Variants in ANO4 observed in about 807,000 individuals in gnomAD.
ANO4 encodes the protein anoctamin-4.
In ANO4, 69 loss-of-function variants were observed where a neutral mutation model predicts 141.9. The ratio of observed to expected loss-of-function variants is 0.49; its 90% CI spans 0.40 to 0.59. ANO4 has a LOEUF of 0.59. Ranked by LOEUF, ANO4 falls within the 20% of genes least tolerant of loss-of-function variation. The pLI, the probability that ANO4 is intolerant of heterozygous loss-of-function variation, is 0.00. For synonymous variants in ANO4, 350 were observed against 394.3 expected, an observed-to-expected ratio of 0.89 and a Z score of 1.33; for missense variants, 894 against 1,162.2, an observed-to-expected ratio of 0.77 and a Z score of 3.36.
intron 3 of ANO4, among the ~76,000 whole-genome samples, chr12:100,787,208 T>C (rs1514796): frequency 0.77 from 117,740 of 152,126 alleles, 46,125 homozygotes; most frequent in East Asian, 0.94. Flanking sequence ...GGTTACTCCA[T>C]TGGGGACATG....
intron 8 of ANO4, among the ~76,000 whole-genome samples, chr12:100,998,673 A>G (rs1216684507): frequency 1.3e-5 from 2 of 152,182 alleles, no homozygotes; most frequent in Non-Finnish European, 2.9e-5. Flanking sequence ...CTAGGCCTAC[A>G]GGCTGCCCAT....
At chr12:100,793,825 T>C (rs2034147434), upstream of ANO4, among the ~76,000 whole-genome samples, 1 of 152,136 alleles carries the variant, frequency 6.6e-6, no homozygotes, top group Non-Finnish European at 1.5e-5. Context: ...AGTTTATAAG[T>C]TCAATATTAG....
rs1388522966 is a variant in ANO4 at position 100,925,844 on chromosome 12, T to C, written c.160+3514T>C. Reference sequence around the variant, plus strand: ...ACATACATATATATACATACATATATATACACACACACATATATATATATA... The same window carrying C: ...ACATACATATATATACATACATATACATACACACACACATATATATATATA... On this transcript the variant is annotated intron_variant, in intron 3 of 27. Coordinates refer to ENST00000392977, the MANE Select transcript of ANO4 (RefSeq NM_001286615.2). Among the ~76,000 whole-genome samples the C allele has an allele frequency of 7.4e-5, 10 of 135,974 alleles. No individual in the cohort carries two copies. The East Asian group carries it at 1.3e-3, about 18-fold the overall frequency. 89.2% of individuals were successfully genotyped at this position (135,974 alleles called of 152,430 possible).
chr12:100,770,072 C>G (rs534262607), intron 3 of ANO4, among the ~76,000 whole-genome samples: 2 of 152,132 alleles, frequency 1.3e-5, no homozygotes, highest in Non-Finnish European at 2.9e-5. Flanking sequence ...AAATGTTTGT[C>G]TCTGGTTGAA....
At chr12:100,946,937 C>A (rs553129301) in intron 5 of ANO4, among the ~76,000 whole-genome samples, 1 of 151,998 alleles carries the variant, frequency 6.6e-6, no homozygotes, top group African/African-American at 2.4e-5. Context: ...GGGGTGTGTA[C>A]GATCAAAGCT....
intron 5 of ANO4, among the ~76,000 whole-genome samples, chr12:100,959,331 C>T (rs1224434256): frequency 6.6e-6 from 1 of 152,122 alleles, no homozygotes; most frequent in Middle Eastern, 3.2e-3. Context: ...CTCTATCTCT[C>T]CTGCATCATC....
intron 22 of ANO4, among the ~76,000 whole-genome samples, chr12:101,105,968 T>C (rs2050424188): frequency 1.3e-5 from 2 of 151,930 alleles, no homozygotes; most frequent in South Asian, 2.1e-4. Flanking sequence ...AAAAATTAGC[T>C]TGGTGGTGCG....
chr12:101,038,324 A>C (rs1159896817), intron 10 of ANO4: 5 of 152,110 alleles, frequency 3.3e-5, no homozygotes, highest in African/African-American at 1.2e-4. Flanking sequence ...GTTTTGTGAG[A>C]ACTGCATCCT....
At chr12:101,036,236 T>G (rs1305854118) in intron 9 of ANO4, among the ~76,000 whole-genome samples, 2 of 152,074 alleles carry the variant, frequency 1.3e-5, no homozygotes, top group African/African-American at 4.8e-5. Flanking sequence ...GAAACACTTG[T>G]GCGCTGTTAG....
intron 14 of ANO4, among the ~76,000 whole-genome samples, chr12:101,077,411 A>G (rs1490318578): frequency 1.3e-5 from 2 of 152,152 alleles, no homozygotes; most frequent in African/African-American, 4.8e-5. Context: ...GAATCTTCCT[A>G]GTAAATCAAA....
chr12:100,925,826 T>TAC lies in ANO4; in HGVS notation c.160+3497_160+3498insCA, dbSNP rs1375429465. On this transcript the variant is annotated intron_variant, in intron 3 of 27. Transcript: ENST00000392977. ...GTATACATACATATACATACATACA[T>TAC]ATATATACATACATATATATACACA... Among the ~76,000 whole-genome samples, 22 of 145,916 alleles carry TAC rather than the reference T, an allele frequency of 1.5e-4. No homozygotes were observed. In the East Asian group the frequency reaches 2.2e-3, roughly 15 times the overall value.
chr12:100,865,060 T>C (rs2038683468), intron 1 of ANO4, among the ~76,000 whole-genome samples: 1 of 152,204 alleles, frequency 6.6e-6, no homozygotes, highest in African/African-American at 2.4e-5. Flanking sequence ...GTTCCAAGTC[T>C]TTGCTATCGT....
At chr12:100,911,527 G>A (rs1317373787) in intron 2 of ANO4, among the ~76,000 whole-genome samples, 2 of 152,156 alleles carry the variant, frequency 1.3e-5, no homozygotes, top group South Asian at 2.1e-4. Flanking sequence ...TGTAAGTGAT[G>A]TCCACTTTGT....
intron 1 of ANO4, among the ~76,000 whole-genome samples, chr12:100,841,394 A>C (rs1248260707): frequency 6.6e-6 from 1 of 152,210 alleles, no homozygotes; most frequent in Non-Finnish European, 1.5e-5. Context: ...TAAGGTAGTG[A>C]ATAAGACAAA....
At chr12:101,096,234 G>T (rs1448926185) in intron 18 of ANO4, among the ~76,000 whole-genome samples, 3 of 152,202 alleles carry the variant, frequency 2.0e-5, no homozygotes, top group Admixed American at 6.5e-5. Context: ...GGCCTCGACA[G>T]CCTGGCTGTC....
rs537328958 is a variant in ANO4 at position 100,940,731 on chromosome 12, C to A, written c.297+1280C>A. Among the ~76,000 whole-genome samples, 214 of 152,116 alleles carry A rather than the reference C, an allele frequency of 1.4e-3. 2 individuals carry two copies. The highest frequency in any genetic ancestry group is 5.0e-3 in the African/African-American group (206 of 41,500). ...TCTGGCATGTTTACCTTCTTCATACCACCATTGGAAAAGATAGAATCCACC... is the reference window on the plus strand; with the variant it reads ...TCTGGCATGTTTACCTTCTTCATACAACCATTGGAAAAGATAGAATCCACC... On this transcript the variant is annotated intron_variant, in intron 4 of 27. Transcript: ENST00000392977.
intron 6 of ANO4, among the ~76,000 whole-genome samples, chr12:100,973,906 T>C (rs1335729151): frequency 6.6e-6 from 1 of 152,210 alleles, no homozygotes; most frequent in Non-Finnish European, 1.5e-5. Context: ...TTTTATTGTC[T>C]CTATAGTTTT....
chr12:100,941,663 A>G (rs748781724), intron 4 of ANO4, among the ~76,000 whole-genome samples: 12 of 152,134 alleles, frequency 7.9e-5, no homozygotes, highest in Non-Finnish European at 1.5e-4. Flanking sequence ...ATATTCATAT[A>G]CATGTCTCCT....
At chr12:100,767,780 A>G (rs1268563956) in intron 3 of ANO4, among the ~76,000 whole-genome samples, 3 of 152,240 alleles carry the variant, frequency 2.0e-5, no homozygotes, top group Admixed American at 6.5e-5. Flanking sequence ...ACCATGGAGA[A>G]GGGAAGCCAC....
Sources: gnomAD v4.1 joint callset for allele counts (sites outside exome capture counted in the v4.1 genomes callset) on GRCh38, gnomAD v4.1.1 for gene constraint, MANE v1.5 for transcripts, NCBI Gene and HGNC (gene_info 2026-07-23, HGNC 2026-07-21) for gene names.